Variants in DGKB observed in about 807,000 individuals in gnomAD.
DGKB encodes 90 kDa diacylglycerol kinase.
Under a neutral mutation model 114.3 loss-of-function variants are expected in DGKB, and 67 were observed. The observed-to-expected ratio is 0.59, with a 90% CI of 0.48 to 0.72. The LOEUF is 0.72. Among genes scored for constraint, DGKB ranks in the 30% least tolerant of loss-of-function variants. The pLI, the probability that DGKB is intolerant of heterozygous loss-of-function variation, is 0.00. For missense variants in DGKB, 907 were observed against 975.2 expected (o/e 0.93, Z 0.93); for synonymous variants, 398 against 323.1 (o/e 1.23, Z -2.49).
chr7:14,254,283 C>T (rs1195700862), intron 23 of DGKB, among the ~76,000 whole-genome samples: 2 of 152,152 alleles, frequency 1.3e-5, no homozygotes, highest in Non-Finnish European at 2.9e-5. Context: ...CATCCTCAAT[C>T]CAACCTCAAT....
At chr7:14,515,254 G>A (rs1788603032) in intron 20 of DGKB, among the ~76,000 whole-genome samples, 1 of 151,990 alleles carries the variant, frequency 6.6e-6, no homozygotes, top group East Asian at 1.9e-4. Flanking sequence ...TCCTAAATTA[G>A]CAATTGTAGA....
intron 2 of DGKB, among the ~76,000 whole-genome samples, chr7:14,816,754 G>A (rs879652493): frequency 6.6e-6 from 1 of 152,150 alleles, no homozygotes; most frequent in South Asian, 2.1e-4. Context: ...CCAATAGGAT[G>A]ATATCTACAT....
At chr7:14,612,331 C>T (rs10236426) in intron 16 of DGKB, among the ~76,000 whole-genome samples, 2 of 151,536 alleles carry the variant, frequency 1.3e-5, no homozygotes, top group Admixed American at 6.6e-5. Flanking sequence ...GACCATGCCT[C>T]GCTAATTTTT....
chr7:14,698,921 G>C (rs536727227), intron 7 of DGKB, among the ~76,000 whole-genome samples: 1 of 152,138 alleles, frequency 6.6e-6, no homozygotes, highest in Admixed American at 6.5e-5. Flanking sequence ...TTGAAAAGTG[G>C]TGTTTTACCG....
chr7:14,629,184 G>C (rs1809209390), intron 14 of DGKB, among the ~76,000 whole-genome samples: 1 of 151,840 alleles, frequency 6.6e-6, no homozygotes, highest in Admixed American at 6.6e-5. Flanking sequence ...ATAATAAACT[G>C]TCCTAATACT....
chr7:14,148,995 T>G lies in DGKB; in HGVS notation c.*136A>C, dbSNP rs907596438. 2 of 730,068 alleles carry G rather than the reference T, an allele frequency of 2.7e-6. No individual in the cohort carries two copies. The highest frequency in any genetic ancestry group is 3.6e-5 in the African/African-American group (2 of 56,034). 45.2% of individuals were successfully genotyped at this position (730,068 alleles called of 1,614,324 possible). ...TCTAATAGCTGAATTTTACATTAGC[T>G]TAGTAACAAAAACTGTTAAACCACT... is the stretch of plus-strand genomic sequence containing the variant. On this transcript the variant is annotated 3_prime_UTR_variant, in exon 26 of 26. Transcript: ENST00000402815.
At chr7:14,948,485 T>C (rs751883716) in intron 1 of DGKB, among the ~76,000 whole-genome samples, 84 of 151,692 alleles carry the variant, frequency 5.5e-4, no homozygotes, top group Non-Finnish European at 1.1e-3. Context: ...ATATAAAACA[T>C]AAAATGGTCC....
At chr7:14,171,925 G>T (rs892444350) in intron 25 of DGKB, among the ~76,000 whole-genome samples, 14 of 152,198 alleles carry the variant, frequency 9.2e-5, no homozygotes, top group Admixed American at 2.6e-4. Context: ...CAGTAAGCCT[G>T]TGTCTAAAAG....
intron 17 of DGKB, among the ~76,000 whole-genome samples, chr7:14,599,108 A>G (rs866817139): frequency 6.6e-6 from 1 of 152,330 alleles, no homozygotes; most frequent in South Asian, 2.1e-4. Flanking sequence ...TGTGTCTTAC[A>G]CATTACAAGA....
chr7:14,767,008 T>G (rs1235867886), intron 2 of DGKB, among the ~76,000 whole-genome samples: 1 of 151,482 alleles, frequency 6.6e-6, no homozygotes, highest in Non-Finnish European at 1.5e-5. Flanking sequence ...AGAGTGAGTT[T>G]AAGAGAAAAT....
chr7:14,471,185 A>G lies in DGKB; in HGVS notation c.1835+6976T>C, dbSNP rs1267965468. 3.5e-5 allele frequency among the ~76,000 whole-genome samples: 4 copies of G among 114,360 alleles called. 2 individuals carry two copies. Among genetic ancestry groups the G allele is most frequent in the Admixed American group, 2.1e-4 (2 of 9,590 alleles). The allele number at this position is 114,360 out of a possible 152,430, so 75.0% of individuals were successfully genotyped here. Reference sequence around the variant, plus strand: ...CCATATATATGGAATATATGTATATATACATATATGTATGGAATATATGTA... The same window carrying G: ...CCATATATATGGAATATATGTATATGTACATATATGTATGGAATATATGTA... On this transcript the variant is annotated intron_variant, in intron 21 of 25. Coordinates refer to ENST00000402815, the MANE Select transcript of DGKB (RefSeq NM_001350709.2).
At chr7:14,228,278 G>A (rs1791143976) in intron 23 of DGKB, among the ~76,000 whole-genome samples, 1 of 152,034 alleles carries the variant, frequency 6.6e-6, no homozygotes, top group Admixed American at 6.6e-5. Context: ...ATAAGAGGCT[G>A]ACAACAGTGA....
At chr7:14,725,794 T>C (rs1435432569) in intron 5 of DGKB, among the ~76,000 whole-genome samples, 2 of 152,012 alleles carry the variant, frequency 1.3e-5, no homozygotes, top group Non-Finnish European at 2.9e-5. Flanking sequence ...GTGATCTCTG[T>C]ACCTCAGCCT....
intron 15 of DGKB, among the ~76,000 whole-genome samples, chr7:14,618,149 CAT>C (rs1806908209): frequency 6.6e-6 from 1 of 151,344 alleles, no homozygotes; most frequent in Admixed American, 6.6e-5. Flanking sequence ...CGTACACACA[CAT>C]ACATCAAAGA....
At chr7:14,758,803 G>T (rs923380734) in intron 2 of DGKB, among the ~76,000 whole-genome samples, 1 of 151,898 alleles carries the variant, frequency 6.6e-6, no homozygotes, top group Non-Finnish European at 1.5e-5. Context: ...CCTATATTTT[G>T]TGAATTGTAC....
chr7:14,172,073 A>G (rs921559855), intron 25 of DGKB, among the ~76,000 whole-genome samples: 1 of 152,220 alleles, frequency 6.6e-6, no homozygotes, highest in Non-Finnish European at 1.5e-5. Context: ...TCAGGGAAGC[A>G]TTTATGGAGG....
intron 19 of DGKB, among the ~76,000 whole-genome samples, chr7:14,577,090 T>C (rs1426123654): frequency 6.6e-6 from 1 of 152,046 alleles, no homozygotes; most frequent in Non-Finnish European, 1.5e-5. Flanking sequence ...AAAAGACAAA[T>C]CAAATCCACT....
chr7:14,864,181 T>C (rs1851387895), intron 1 of DGKB, among the ~76,000 whole-genome samples: 1 of 152,166 alleles, frequency 6.6e-6, no homozygotes, highest in Admixed American at 6.5e-5. Flanking sequence ...TATTTGTTAT[T>C]TTATAATTAT....
Position 14,148,921 on chromosome 7 carries a change from T to C in DGKB, c.*210A>G, listed in dbSNP as rs1781772776. On this transcript the variant is annotated 3_prime_UTR_variant, in exon 26 of 26. Coordinates refer to ENST00000402815, the MANE Select transcript of DGKB (RefSeq NM_001350709.2). ...TATGCAGTATCACTTCAGGTAAACT[T>C]CTGCTTTCTTCATGCAAAGATGCCT... 1.7e-6 allele frequency: 1 copy of C among 574,382 alleles called. No homozygotes were observed. Among genetic ancestry groups the C allele is most frequent in the African/African-American group, 1.9e-5 (1 of 51,846 alleles). 35.6% of individuals were successfully genotyped at this position (574,382 alleles called of 1,614,324 possible). A position where few individuals can be genotyped will look rare whatever the true frequency, so the allele number is the denominator to read the frequency against.
Sources: allele counts gnomAD v4.1 joint callset (sites outside exome capture counted in the v4.1 genomes callset), GRCh38; gene constraint gnomAD v4.1.1; transcripts MANE v1.5; gene names NCBI Gene and HGNC (gene_info 2026-07-23, HGNC 2026-07-21).